The following ITGA1 variants were observed in gnomAD, a reference collection of about 807,000 sequenced individuals.
The protein encoded by ITGA1 is integrin alpha-1.
In ITGA1, 85 loss-of-function variants were observed where a neutral mutation model predicts 145.9. The observed-to-expected ratio is 0.58, with a 90% CI of 0.49 to 0.70. The LOEUF (loss-of-function observed/expected upper bound fraction) is 0.70. Among genes scored for constraint, ITGA1 ranks in the 30% least tolerant of loss-of-function variants. The pLI is 0.00. For synonymous variants in ITGA1, 520 were observed against 495.3 expected (o/e 1.05, Z -0.66); for missense variants, 1,351 against 1,418.7 (o/e 0.95, Z 0.77).
intron 11 of ITGA1, among the ~76,000 whole-genome samples, chr5:52,899,971 A>G (rs1308973202): frequency 1.3e-5 from 2 of 152,186 alleles, no homozygotes; most frequent in Non-Finnish European, 2.9e-5. Flanking sequence ...TTGATTAAGA[A>G]AGCACTGCAC....
chr5:52,949,013 T>A (rs893078136), intron 28 of ITGA1: 2 of 152,180 alleles, frequency 1.3e-5, no homozygotes, highest in African/African-American at 2.4e-5. Flanking sequence ...CAGATAATGA[T>A]GTGTTGATAC....
rs1448852564 is a variant in ITGA1, at chr5:52,849,335, A to G, written c.62-30A>G. On this transcript the variant is annotated intron_variant, in intron 1 of 28. Coordinates refer to ENST00000282588, the MANE Select transcript of ITGA1 (RefSeq NM_181501.2). ...ACATGATGGACTCTTAGTTAACTCT[A>G]TGTAACTGGATTTTGTTTTTCTCCT... 5.7e-6 allele frequency: 9 copies of G among 1,575,542 alleles called. No homozygotes were observed. The East Asian group carries it at 1.4e-4, about 24-fold the overall frequency.
At chr5:52,862,951 C>T (rs1190923832) in intron 3 of ITGA1, among the ~76,000 whole-genome samples, 1 of 151,996 alleles carries the variant, frequency 6.6e-6, no homozygotes, top group Non-Finnish European at 1.5e-5. Flanking sequence ...CTTTAATATC[C>T]TTGCCTGATA....
intron 1 of ITGA1, 70 bp from the exon 2 acceptor site, chr5:52,849,295 C>T (rs1290833563): frequency 7.6e-6 from 10 of 1,322,778 alleles, no homozygotes; most frequent in African/African-American, 2.9e-5. Flanking sequence ...TTAACCATGC[C>T]TTCCATAACT....
intron 24 of ITGA1, among the ~76,000 whole-genome samples, chr5:52,938,059 AG>A (rs1349778776): frequency 2.0e-5 from 3 of 152,140 alleles, no homozygotes; most frequent in Admixed American, 2.0e-4. Context: ...CCTATTTCCA[AG>A]TAAAGTCATA....
At chr5:52,899,353 C>T (rs1316648928) in intron 11 of ITGA1, among the ~76,000 whole-genome samples, 3 of 152,044 alleles carry the variant, frequency 2.0e-5, no homozygotes, top group Non-Finnish European at 4.4e-5. Flanking sequence ...TTGAAGGACA[C>T]CTATTAAAGC....
intron 1 of ITGA1, chr5:52,801,069 A>C: frequency 6.2e-7 from 1 of 1,612,514 alleles, no homozygotes; most frequent in Non-Finnish European, 8.5e-7. Context: ...TTCAACAAGC[A>C]GTGAAGACCG....
At chr5:52,815,302 G>A (rs571497991) in intron 1 of ITGA1, among the ~76,000 whole-genome samples, 1 of 152,278 alleles carries the variant, frequency 6.6e-6, no homozygotes, top group South Asian at 2.1e-4. Context: ...TCCTAGGGTT[G>A]CTAGGTTTTG....
chr5:52,897,007 C>T (rs182546087), intron 9 of ITGA1, among the ~76,000 whole-genome samples: 3 of 152,170 alleles, frequency 2.0e-5, no homozygotes, highest in African/African-American at 4.8e-5. Context: ...GTTGAGAAAC[C>T]TCTTTAAATA....
At position 52,788,109 on chromosome 5, in the gene ITGA1, A is replaced by C. The variant is rs1032127352; in HGVS notation, c.-245A>C. On this transcript the variant is annotated 5_prime_UTR_variant, in exon 1 of 29. Coordinates refer to ENST00000282588, the MANE Select transcript of ITGA1 (RefSeq NM_181501.2). ...GCTGCCAGTGAGATTTCAGAGACCA[A>C]GAGCGCGAAGGGGCGGGCGATGTGG... is the stretch of plus-strand genomic sequence containing the variant. 3 of 427,748 alleles carry C rather than the reference A, an allele frequency of 7.0e-6. No homozygotes were observed. The highest frequency in any genetic ancestry group is 9.5e-5 in the South Asian group (2 of 21,120). 26.5% of individuals were successfully genotyped at this position (427,748 alleles called of 1,614,324 possible).
intron 1 of ITGA1, among the ~76,000 whole-genome samples, chr5:52,847,825 A>T (rs10078136): frequency 1.3e-5 from 2 of 152,236 alleles, no homozygotes; most frequent in Non-Finnish European, 2.9e-5. Flanking sequence ...CTGGGATTAC[A>T]GGCATGAGCC....
In ITGA1 at chr5:52,788,298, G is replaced by A. The variant is rs1474422822; in HGVS notation, c.-56G>A. 6 of 1,359,698 alleles carry A rather than the reference G, an allele frequency of 4.4e-6. No individual in the cohort carries two copies. Among genetic ancestry groups the A allele is most frequent in the Admixed American group, 3.1e-5 (1 of 32,186 alleles). 84.2% of individuals were successfully genotyped at this position (1,359,698 alleles called of 1,614,324 possible). The stretch of plus-strand genomic sequence containing the variant: ...CCCAGCCAGAGAGCGCAGCTCCCGC[G>A]CCCGGTCCTGCCCTGCGAACCAGCG... On this transcript the variant is annotated 5_prime_UTR_variant, in exon 1 of 29. Transcript: ENST00000282588.
At chr5:52,948,919 A>T (rs1751176093) in intron 28 of ITGA1, 1 of 152,208 alleles carries the variant, frequency 6.6e-6, no homozygotes, top group African/African-American at 2.4e-5. Context: ...TGTTTCAGAC[A>T]AACAAATAGG....
intron 26 of ITGA1, among the ~76,000 whole-genome samples, chr5:52,941,730 T>C (rs1751056941): frequency 6.6e-6 from 1 of 152,250 alleles, no homozygotes; most frequent in Non-Finnish European, 1.5e-5. Flanking sequence ...GTAGGTTGTC[T>C]GTTTACTCTA....
At chr5:52,854,572 C>T (rs911129291) in intron 2 of ITGA1, among the ~76,000 whole-genome samples, 3 of 152,124 alleles carry the variant, frequency 2.0e-5, no homozygotes, top group Non-Finnish European at 2.9e-5. Context: ...TTGCTTGGCA[C>T]TCTGAGAGTG....
At chr5:52,813,613 C>T (rs1748717522) in intron 1 of ITGA1, among the ~76,000 whole-genome samples, 1 of 152,186 alleles carries the variant, frequency 6.6e-6, no homozygotes, top group African/African-American at 2.4e-5. Context: ...AGACAACCAT[C>T]ACCAATACAC....
At chr5:52,824,941 A>G (rs1009938912) in intron 1 of ITGA1, 2 of 152,200 alleles carry the variant, frequency 1.3e-5, no homozygotes, top group Non-Finnish European at 2.9e-5. Context: ...TATTTTTATT[A>G]TAGTAAAATA....
intron 6 of ITGA1, among the ~76,000 whole-genome samples, 172 bp from the exon 7 acceptor site, chr5:52,881,701 C>T (rs1167525372): frequency 6.6e-6 from 1 of 152,150 alleles, no homozygotes; most frequent in African/African-American, 2.4e-5. Context: ...CTTTGGACTA[C>T]GAACAGTCAC....
At position 52,953,591 on chromosome 5, in the gene ITGA1, A is replaced by C. The variant is rs1403705008; in HGVS notation, c.*1140A>C. 1 of 152,250 alleles carries C rather than the reference A, an allele frequency of 6.6e-6. No homozygotes were observed. The highest frequency in any genetic ancestry group is 1.5e-5 in the Non-Finnish European group (1 of 68,042). The allele number at this position is 152,250 out of a possible 1,614,324, so 9.4% of individuals were successfully genotyped here. A position where few individuals can be genotyped will look rare whatever the true frequency, so the allele number is the denominator to read the frequency against. On this transcript the variant is annotated 3_prime_UTR_variant, in exon 29 of 29. Coordinates refer to ENST00000282588, the MANE Select transcript of ITGA1 (RefSeq NM_181501.2). ...AGGTGTGTTGCATCAATATTTAAATAAAATCCCAGAAATGTATTTTAAAGA... is the reference window on the plus strand; with the variant it reads ...AGGTGTGTTGCATCAATATTTAAATCAAATCCCAGAAATGTATTTTAAAGA...
Sources: allele counts gnomAD v4.1 joint callset (sites outside exome capture counted in the v4.1 genomes callset), GRCh38; gene constraint gnomAD v4.1.1; transcripts MANE v1.5; gene names NCBI Gene and HGNC (gene_info 2026-07-23, HGNC 2026-07-21).